ESRRG: variants seen among roughly 807,000 people sequenced by gnomAD.
ESRRG encodes the protein estrogen-related receptor gamma.
ESRRG carries 13 observed loss-of-function variants against 44.0 expected under a neutral mutation model. The ratio of observed to expected loss-of-function variants is 0.30; its 90% CI spans 0.19 to 0.47. The LOEUF is 0.47. Among genes scored for constraint, ESRRG ranks in the 20% least tolerant of loss-of-function variants. ESRRG has a pLI of 1.00. For missense variants in ESRRG, 395 were observed against 580.6 expected (o/e 0.68, Z 3.29); for synonymous variants, 215 against 214.6 (o/e 1.00, Z -0.02).
chr1:216,908,842 A>AC (rs2059982499), intron 2 of ESRRG, among the ~76,000 whole-genome samples: 1 of 151,922 alleles, frequency 6.6e-6, no homozygotes, highest in South Asian at 2.1e-4. Flanking sequence ...AAAAAAAAAA[A>AC]AACATAGAGC....
intron 2 of ESRRG, among the ~76,000 whole-genome samples, chr1:216,800,362 G>T (rs955376087): frequency 6.6e-6 from 1 of 152,096 alleles, no homozygotes; most frequent in African/African-American, 2.4e-5. Flanking sequence ...TGCAAAAGCA[G>T]CAAGAACACA....
intron 3 of ESRRG, among the ~76,000 whole-genome samples, chr1:216,581,750 T>C (rs1400454283): frequency 2.0e-5 from 3 of 152,190 alleles, no homozygotes; most frequent in Non-Finnish European, 2.9e-5. Context: ...ATTTATTGCC[T>C]TGTGGGAGTG....
In ESRRG at chr1:216,905,630, T is replaced by A. The variant is rs75288086; in HGVS notation, c.-14+33952A>T. On this transcript the variant is annotated intron_variant, in intron 2 of 7. Coordinates refer to the ESRRG transcript ENST00000359162. Reference sequence around the variant, plus strand: ...GTGCTGGGGCTCTGTCTCCTCGTCATCACTGTAGCTTCAGGGTCAGGAGCA... The same window carrying A: ...GTGCTGGGGCTCTGTCTCCTCGTCAACACTGTAGCTTCAGGGTCAGGAGCA... Among the ~76,000 whole-genome samples, 969 of 152,338 alleles carry A rather than the reference T, an allele frequency of 6.4e-3. 5 individuals are homozygous for A. The highest frequency in any genetic ancestry group is 0.022 in the African/African-American group (927 of 41,560).
At chr1:216,571,040 C>A (rs2060689615) in intron 3 of ESRRG, among the ~76,000 whole-genome samples, 1 of 152,078 alleles carries the variant, frequency 6.6e-6, no homozygotes, top group Non-Finnish European at 1.5e-5. Flanking sequence ...TGGTGGAAAA[C>A]AATTCAGACA....
intron 1 of ESRRG, among the ~76,000 whole-genome samples, chr1:217,006,535 C>T (rs963178819): frequency 8.6e-5 from 13 of 151,912 alleles, no homozygotes; most frequent in Non-Finnish European, 2.9e-5. Flanking sequence ...GTTGAGTATC[C>T]CTTTTCCAAA....
At chr1:217,066,073 G>A (rs938133742) in intron 1 of ESRRG, among the ~76,000 whole-genome samples, 1 of 152,140 alleles carries the variant, frequency 6.6e-6, no homozygotes, top group African/African-American at 2.4e-5. Context: ...ACAGTGTCTG[G>A]TACATTTAGT....
chr1:216,873,459 GCC>G (rs1419632746), intron 2 of ESRRG, among the ~76,000 whole-genome samples: 2 of 151,878 alleles, frequency 1.3e-5, no homozygotes, highest in African/African-American at 4.8e-5. Context: ...TGATCCACCT[GCC>G]TCAGTCCCCA....
chr1:216,841,685 C>T (rs1049389759), intron 2 of ESRRG, among the ~76,000 whole-genome samples: 7 of 152,106 alleles, frequency 4.6e-5, no homozygotes, highest in African/African-American at 1.4e-4. Flanking sequence ...CTTAACCTCC[C>T]CTTCAGCCTG....
At chr1:216,774,798 C>CTTTTTTTTTTTTTTTTTT (rs58598227) in intron 2 of ESRRG, among the ~76,000 whole-genome samples, 5 of 110,806 alleles carry the variant, frequency 4.5e-5, no homozygotes, top group Non-Finnish European at 8.6e-5. Flanking sequence ...ATAATTTCTT[C>CTTTTTTTTTTTTTTTTTT]TTTTTTTTTT....
At chr1:216,575,729 C>A (rs1448876479) in intron 3 of ESRRG, among the ~76,000 whole-genome samples, 1 of 152,004 alleles carries the variant, frequency 6.6e-6, no homozygotes, top group African/African-American at 2.4e-5. Flanking sequence ...TCTCTGCCAT[C>A]AAAGTCTATT....
chr1:216,558,033 T>A (rs577678363), intron 5 of ESRRG, among the ~76,000 whole-genome samples: 21 of 152,260 alleles, frequency 1.4e-4, no homozygotes, highest in Admixed American at 1.2e-3. Context: ...ATATTTAGTA[T>A]GATGACAGAA....
chr1:216,900,448 A>G lies in ESRRG; in HGVS notation c.-14+39134T>C, dbSNP rs77610557. ...CTGACACTGGAAAGCTCCCAGAATC[A>G]AGCAGTAATGGGAACACTCCCTGAA... On this transcript the variant is annotated intron_variant, in intron 2 of 7. Coordinates refer to the ESRRG transcript ENST00000359162. Among the ~76,000 whole-genome samples the G allele has an allele frequency of 8.1e-3, 1,229 of 152,336 alleles. 13 individuals are homozygous for G. The highest frequency in any genetic ancestry group is 0.028 in the African/African-American group (1,177 of 41,574).
chr1:216,991,238 G>A (rs1027783197), intron 1 of ESRRG, among the ~76,000 whole-genome samples: 4 of 152,002 alleles, frequency 2.6e-5, no homozygotes, highest in East Asian at 1.9e-4. Flanking sequence ...ACCTGTTTCC[G>A]GCGCCAAAAA....
chr1:216,996,852 T>C (rs2076431922), intron 1 of ESRRG, among the ~76,000 whole-genome samples: 1 of 152,118 alleles, frequency 6.6e-6, no homozygotes, highest in African/African-American at 2.4e-5. Flanking sequence ...ACACACAACC[T>C]ATGGCCCCAA....
intron 1 of ESRRG, among the ~76,000 whole-genome samples, chr1:217,106,390 A>ACG (rs2092596825): frequency 5.5e-5 from 6 of 109,078 alleles, no homozygotes; most frequent in African/African-American, 2.2e-4. Context: ...ACACTCACAT[A>ACG]TGCACACACA....
At chr1:216,801,791 G>T (rs370855036) in intron 2 of ESRRG, among the ~76,000 whole-genome samples, 26 of 152,132 alleles carry the variant, frequency 1.7e-4, no homozygotes, top group African/African-American at 6.3e-4. Flanking sequence ...AAATTGGATG[G>T]TTTTCCTGCT....
At chr1:216,698,287 G>A (rs1472549637) in intron 1 of ESRRG, among the ~76,000 whole-genome samples, 1 of 152,106 alleles carries the variant, frequency 6.6e-6, no homozygotes, top group Admixed American at 6.5e-5. Flanking sequence ...GGAGGCCGAG[G>A]CAGGTGGATC....
At chr1:217,082,551 CA>C (rs2091837973) in intron 1 of ESRRG, among the ~76,000 whole-genome samples, 1 of 152,138 alleles carries the variant, frequency 6.6e-6, no homozygotes, top group Non-Finnish European at 1.5e-5. Flanking sequence ...CCTTTCCCTT[CA>C]GGGGATACGT....
intron 1 of ESRRG, among the ~76,000 whole-genome samples, chr1:216,687,026 C>CATGTGT (rs1553502043): frequency 5.4e-5 from 8 of 149,236 alleles, no homozygotes; most frequent in African/African-American, 2.0e-4. Context: ...TGGCAGGGCC[C>CATGTGT]GTGTGTGTGT....
Sources: allele counts gnomAD v4.1 joint callset (sites outside exome capture counted in the v4.1 genomes callset), GRCh38; gene constraint gnomAD v4.1.1; transcripts MANE v1.5; gene names NCBI Gene and HGNC (gene_info 2026-07-23, HGNC 2026-07-21).